ARID4A: variants seen among roughly 807,000 people sequenced by gnomAD.
The protein encoded by ARID4A is AT-rich interactive domain-containing protein 4A.
Under a neutral mutation model 148.6 loss-of-function variants are expected in ARID4A, and 39 were observed. The ratio of observed to expected loss-of-function variants is 0.26; its 90% CI spans 0.20 to 0.34. The LOEUF (loss-of-function observed/expected upper bound fraction) is 0.34. ARID4A is among the 10% of genes least tolerant of loss of function. The pLI, the probability that ARID4A is intolerant of heterozygous loss-of-function variation, is 1.00. For synonymous variants in ARID4A, 475 were observed against 481.2 expected (o/e 0.99, Z 0.17); for missense variants, 1,265 against 1,449.1 (o/e 0.87, Z 2.06).
intron 19 of ARID4A, among the ~76,000 whole-genome samples, chr14:58,361,353 T>C (rs2035123909): frequency 6.6e-6 from 1 of 152,188 alleles, no homozygotes; most frequent in Non-Finnish European, 1.5e-5. Flanking sequence ...AGTAATTTTA[T>C]ACCATATTTT....
At chr14:58,326,698 TG>T (rs1035968632) in intron 8 of ARID4A, among the ~76,000 whole-genome samples, 1 of 152,108 alleles carries the variant, frequency 6.6e-6, no homozygotes, top group African/African-American at 2.4e-5. Flanking sequence ...AGACTGGAGG[TG>T]GCAGGAATCT....
Position 58,351,281 on chromosome 14 carries a change from C to G in ARID4A, c.1613C>G (p.Ser538Cys), listed in dbSNP as rs1376799806. Residue 538 changes from serine to cysteine, a missense_variant, in exon 16 of 24, where the codon TCT becomes TGT. This residue lies in a region of ARID4A where 205 missense variants were observed against 196.9 expected (regional missense o/e 1.04). Coordinates refer to ENST00000355431, the MANE Select transcript of ARID4A (RefSeq NM_002892.4). ...KEKKIKKQED[S>C]DKDSDEEEEK... ...AAGAAAATTAAAAAACAGGAGGATT[C>G]TGACAAAGACTCAGATGAAGAGGAA... 1 of 1,608,840 alleles carries G rather than the reference C, an allele frequency of 6.2e-7. No homozygotes were observed. Among genetic ancestry groups the G allele is most frequent in the Non-Finnish European group, 8.5e-7 (1 of 1,178,930 alleles).
intron 8 of ARID4A, among the ~76,000 whole-genome samples, chr14:58,328,011 CTA>C (rs1380232000): frequency 2.6e-5 from 4 of 152,066 alleles, no homozygotes; most frequent in Non-Finnish European, 5.9e-5. Flanking sequence ...AATCTAATGA[CTA>C]TGGATAAATT....
chr14:58,329,735 T>C (rs982413918), intron 10 of ARID4A, 131 bp downstream of exon 10: 6 of 859,532 alleles, frequency 7.0e-6, no homozygotes, highest in Non-Finnish European at 1.0e-5. Context: ...TCTTACTTGA[T>C]TTTTTTTTAA....
intron 19 of ARID4A, among the ~76,000 whole-genome samples, chr14:58,362,451 ATGG>A (rs2035174789): frequency 6.6e-6 from 1 of 151,846 alleles, no homozygotes; most frequent in African/African-American, 2.4e-5. Flanking sequence ...TTAGCCAGGC[ATGG>A]TGGTGTGCAC....
At chr14:58,303,593 A>AG in intron 3 of ARID4A, 2 of 470,028 alleles carry the variant, frequency 4.3e-6, no homozygotes, top group East Asian at 1.4e-4. Flanking sequence ...CAACACATAG[A>AG]GTAGTGCCTG....
At position 58,322,980 on chromosome 14, in the gene ARID4A, A is replaced by AAATAT. The variant is rs1255021613; in HGVS notation, c.450-504_450-503insATATA. Among the ~76,000 whole-genome samples, 13 of 114,282 alleles carry AAATAT rather than the reference A, an allele frequency of 1.1e-4. No individual in the cohort carries two copies. The South Asian group carries it at 2.8e-3, about 25-fold the overall frequency. The allele number at this position is 114,282 out of a possible 152,430, so 75.0% of individuals were successfully genotyped here. A position where few individuals can be genotyped will look rare whatever the true frequency, so the allele number is the denominator to read the frequency against. On this transcript the variant is annotated intron_variant, in intron 7 of 23. Transcript: ENST00000355431. ...TCCATTTCCAAAAAAAAAAAAAAAA[A>AAATAT]ATATATATATATATATATATATATG... is the stretch of plus-strand genomic sequence containing the variant.
At chr14:58,299,549 A>T in intron 1 of ARID4A, 1 of 503,902 alleles carries the variant, frequency 2.0e-6, no homozygotes, top group Non-Finnish European at 3.6e-6. Context: ...TCCGGGTCAA[A>T]GTGGCCAGCG....
At chr14:58,330,229 C>T in intron 11 of ARID4A, 60 bp downstream of exon 11, 4 of 1,550,634 alleles carry the variant, frequency 2.6e-6, no homozygotes, top group South Asian at 2.5e-5. Flanking sequence ...GAAAATAATA[C>T]CTTCATATAT....
At chr14:58,367,424 C>A (rs1299454359) in intron 23 of ARID4A, among the ~76,000 whole-genome samples, 1 of 152,214 alleles carries the variant, frequency 6.6e-6, no homozygotes, top group African/African-American at 2.4e-5. Flanking sequence ...TAAATCATTT[C>A]CTAAGCAACT....
chr14:58,344,297 A>G (rs746291719), intron 11 of ARID4A, among the ~76,000 whole-genome samples: 8 of 152,146 alleles, frequency 5.3e-5, no homozygotes, highest in African/African-American at 7.2e-5. Context: ...ATTTTTATAT[A>G]TAAATATATG....
At chr14:58,344,412 A>G (rs1230354357) in intron 11 of ARID4A, among the ~76,000 whole-genome samples, 1 of 152,106 alleles carries the variant, frequency 6.6e-6, no homozygotes, top group African/African-American at 2.4e-5. Flanking sequence ...TGAGGTGAAA[A>G]CGTAACACTC....
chr14:58,311,168 C>A (rs1008631240), intron 5 of ARID4A, among the ~76,000 whole-genome samples: 6 of 152,098 alleles, frequency 3.9e-5, no homozygotes, highest in Non-Finnish European at 8.8e-5. Flanking sequence ...AATGCTTGAA[C>A]CCTGGAGGCG....
Position 58,346,532 on chromosome 14 carries a change from A to G in ARID4A, c.1074+27A>G, listed in dbSNP as rs544471086. On this transcript the variant is annotated intron_variant, in intron 13 of 23. Transcript: ENST00000355431. Reference sequence around the variant, plus strand: ...TAAGTATAACATTGCTTTTTGAAACATGTATTGATGTGGTAAAAAGTTAAG... The same window carrying G: ...TAAGTATAACATTGCTTTTTGAAACGTGTATTGATGTGGTAAAAAGTTAAG... 1.0e-5 allele frequency: 15 copies of G among 1,478,032 alleles called. 1 individual carries two copies. Among genetic ancestry groups the G allele is most frequent in the East Asian group, 4.6e-5 (2 of 43,420 alleles). 91.6% of individuals were successfully genotyped at this position (1,478,032 alleles called of 1,614,324 possible). A position where few individuals can be genotyped will look rare whatever the true frequency, so the allele number is the denominator to read the frequency against.
chr14:58,331,082 C>T (rs965038513), intron 11 of ARID4A, among the ~76,000 whole-genome samples: 4 of 152,102 alleles, frequency 2.6e-5, no homozygotes, highest in African/African-American at 4.8e-5. Context: ...TGAAATGAAA[C>T]GAGTATAGTC....
intron 2 of ARID4A, 109 bp downstream of exon 2, chr14:58,299,969 T>C: frequency 1.3e-6 from 2 of 1,485,358 alleles, no homozygotes; most frequent in Non-Finnish European, 1.9e-6. Context: ...ATGTTCCTAC[T>C]GATCAGCAGT....
rs752747389 is a variant in ARID4A at position 58,365,499 on chromosome 14, C to G, written c.3212-19C>G. ...TTTTTTTTTTTTTTTTCAACATTCT[C>G]TCTTTCCCCTTATTTCAGGTCAGAA... On this transcript the variant is annotated intron_variant, in intron 20 of 23. Transcript: ENST00000355431. 1.1e-4 allele frequency: 44 copies of G among 418,640 alleles called. No homozygotes were observed. The highest frequency in any genetic ancestry group is 1.4e-4 in the Non-Finnish European group (36 of 256,492). The allele number at this position is 418,640 out of a possible 1,614,324, so 25.9% of individuals were successfully genotyped here. A position where few individuals can be genotyped will look rare whatever the true frequency, so the allele number is the denominator to read the frequency against.
At chr14:58,359,337 A>C in intron 18 of ARID4A, 121 bp downstream of exon 18, 1 of 881,318 alleles carries the variant, frequency 1.1e-6, no homozygotes, top group Non-Finnish European at 1.7e-6. Context: ...CAAGGTATAT[A>C]GACCTCCCAT....
intron 23 of ARID4A, among the ~76,000 whole-genome samples, chr14:58,370,281 A>T (rs1282248878): frequency 1.3e-5 from 2 of 152,214 alleles, no homozygotes; most frequent in African/African-American, 4.8e-5. Flanking sequence ...GGTGACATAC[A>T]TTTCAGACAA....
Sources: allele counts gnomAD v4.1 joint callset (sites outside exome capture counted in the v4.1 genomes callset), GRCh38; gene constraint gnomAD v4.1.1; regional missense constraint gnomAD v4.1.1; transcripts MANE v1.5; gene names NCBI Gene and HGNC (gene_info 2026-07-23, HGNC 2026-07-21).